Variants in ARHGAP24 observed in about 807,000 individuals in gnomAD.
ARHGAP24 encodes rho GTPase-activating protein 24.
Under a neutral mutation model 76.4 loss-of-function variants are expected in ARHGAP24, and 50 were observed. That is an observed-to-expected ratio of 0.65 (90% confidence interval 0.52 to 0.83). ARHGAP24 has a LOEUF of 0.83. ARHGAP24 is among the 40% of genes least tolerant of loss of function. ARHGAP24 has a pLI of 0.00. For missense variants in ARHGAP24, 930 were observed against 914.2 expected (o/e 1.02, Z -0.22); for synonymous variants, 345 against 323.3 (o/e 1.07, Z -0.72).
At chr4:85,933,008 A>G (rs1244165403) in intron 4 of ARHGAP24, among the ~76,000 whole-genome samples, 2 of 152,180 alleles carry the variant, frequency 1.3e-5, no homozygotes, top group Non-Finnish European at 2.9e-5. Flanking sequence ...CTGGCCTTGA[A>G]AAGAATGAAC....
At chr4:85,506,934 T>G (rs1203005356) in intron 1 of ARHGAP24, among the ~76,000 whole-genome samples, 1 of 151,964 alleles carries the variant, frequency 6.6e-6, no homozygotes, top group African/African-American at 2.4e-5. Context: ...TGTGATAAAG[T>G]AGGTAAAACA....
At chr4:85,961,404 T>C (rs1738240062) in intron 5 of ARHGAP24, among the ~76,000 whole-genome samples, 1 of 152,202 alleles carries the variant, frequency 6.6e-6, no homozygotes, top group East Asian at 1.9e-4. Flanking sequence ...TCTTACACTA[T>C]GAGTTAGAGA....
chr4:85,730,590 G>A (rs1189215774), intron 3 of ARHGAP24, among the ~76,000 whole-genome samples: 1 of 151,698 alleles, frequency 6.6e-6, no homozygotes, highest in Non-Finnish European at 1.5e-5. Context: ...TTTTGTTTTT[G>A]TAGAGATGAG....
rs932914104 is a variant in ARHGAP24 at position 85,603,305 on chromosome 4, G to A, written c.180+32584G>A. The stretch of plus-strand genomic sequence containing the variant: ...GGTTGACCACCTTGAAAATTCACCT[G>A]TAGTGGGACTGTTATTCTTTTTCCT... On this transcript the variant is annotated intron_variant, in intron 2 of 9. Transcript: ENST00000395184. 4.6e-5 allele frequency among the ~76,000 whole-genome samples: 7 copies of A among 152,168 alleles called. No individual in the cohort carries two copies. In the East Asian group the frequency reaches 1.3e-3, roughly 29 times the overall value.
intron 2 of ARHGAP24, among the ~76,000 whole-genome samples, chr4:85,684,616 G>A (rs1367444034): frequency 2.6e-5 from 4 of 152,060 alleles, no homozygotes; most frequent in Non-Finnish European, 5.9e-5. Context: ...AAAATTTTGT[G>A]GATCTGCAGT....
intron 2 of ARHGAP24, among the ~76,000 whole-genome samples, chr4:85,596,333 C>T (rs1023534640): frequency 1.4e-4 from 22 of 152,032 alleles, no homozygotes; most frequent in African/African-American, 5.3e-4. Context: ...GGAGAGTGGG[C>T]AGCCAAAGAG....
intron 1 of ARHGAP24, among the ~76,000 whole-genome samples, chr4:85,564,398 TGG>T (rs1197995424): frequency 2.2e-5 from 2 of 91,506 alleles, no homozygotes; most frequent in African/African-American, 5.5e-5. Flanking sequence ...TGTTGTGGGG[TGG>T]GGGGAGCGGG....
intron 2 of ARHGAP24, among the ~76,000 whole-genome samples, chr4:85,673,599 A>C (rs1303709180): frequency 6.6e-6 from 1 of 150,928 alleles, no homozygotes; most frequent in Admixed American, 6.6e-5. Flanking sequence ...TTAGACCTGG[A>C]GAGCTAGAAA....
intron 1 of ARHGAP24, among the ~76,000 whole-genome samples, chr4:85,498,085 T>C (rs1001330448): frequency 1.3e-5 from 2 of 152,214 alleles, no homozygotes; most frequent in African/African-American, 4.8e-5. Flanking sequence ...CACAAGCTAA[T>C]AGTTTATTTT....
At chr4:85,858,936 T>C (rs1288779973) in intron 3 of ARHGAP24, among the ~76,000 whole-genome samples, 2 of 137,828 alleles carry the variant, frequency 1.5e-5, no homozygotes, top group East Asian at 1.9e-4. Flanking sequence ...TTCAGTAGTA[T>C]GGTACTCAGA....
chr4:85,920,531 G>C (rs1240650854), intron 3 of ARHGAP24, among the ~76,000 whole-genome samples: 1 of 152,024 alleles, frequency 6.6e-6, no homozygotes, highest in Non-Finnish European at 1.5e-5. Context: ...TTGACAAATG[G>C]GATCTAATTA....
In ARHGAP24 at chr4:85,498,379, A is replaced by G. The variant is rs1041144918; in HGVS notation, c.-21+22820A>G. Among the ~76,000 whole-genome samples the G allele has an allele frequency of 7.2e-5, 11 of 152,340 alleles. No homozygotes were observed. The East Asian group carries it at 1.9e-3, about 27-fold the overall frequency. On this transcript the variant is annotated intron_variant, in intron 1 of 9. Transcript: ENST00000395184. ...TAAGCCAACACTAGAGAGAAAGCAG[A>G]CTGAATAGTTGTGTTGCTATCTTCT...
At chr4:85,741,269 T>A (rs906682416) in intron 3 of ARHGAP24, among the ~76,000 whole-genome samples, 3 of 152,100 alleles carry the variant, frequency 2.0e-5, no homozygotes, top group African/African-American at 7.2e-5. Flanking sequence ...ATACTAGAGA[T>A]GGGGCTAGAA....
chr4:85,987,240 G>A (rs1042738707), intron 8 of ARHGAP24, among the ~76,000 whole-genome samples: 1 of 152,028 alleles, frequency 6.6e-6, no homozygotes, highest in Non-Finnish European at 1.5e-5. Flanking sequence ...TGTACTTTCT[G>A]CTCAATTTTT....
At chr4:85,650,631 ATAAT>A (rs1438000837) in intron 2 of ARHGAP24, among the ~76,000 whole-genome samples, 1 of 149,538 alleles carries the variant, frequency 6.7e-6, no homozygotes, top group Non-Finnish European at 1.5e-5. Context: ...GAATAATACA[ATAAT>A]TATTATTAAT....
chr4:85,974,908 G>A lies in ARHGAP24; in HGVS notation c.753G>A (p.Lys251=). 1 of 1,613,868 alleles carries A rather than the reference G, an allele frequency of 6.2e-7. No individual in the cohort carries two copies. ...CTCAGGGTGTTAAGGAATTAGCAAA[G>A]CAGGTGAAGAGTTTGCCAGTGGTAA... ...EEEAGVKELA[K]QVKSLPVVNY... Residue 251 remains lysine, a synonymous_variant, in exon 7 of 10, where the codon AAG becomes AAA. Coordinates refer to ENST00000395184, the MANE Select transcript of ARHGAP24 (RefSeq NM_001025616.3).
At chr4:85,578,829 A>G (rs1403589402) in intron 2 of ARHGAP24, among the ~76,000 whole-genome samples, 1 of 152,176 alleles carries the variant, frequency 6.6e-6, no homozygotes, top group Non-Finnish European at 1.5e-5. Context: ...GATCTATAAT[A>G]TATACTTTAT....
At chr4:85,505,183 C>A (rs1455510258) in intron 1 of ARHGAP24, among the ~76,000 whole-genome samples, 1 of 152,172 alleles carries the variant, frequency 6.6e-6, no homozygotes, top group Non-Finnish European at 1.5e-5. Flanking sequence ...CTTGGTGAAT[C>A]TGACAATTAT....
intron 3 of ARHGAP24, among the ~76,000 whole-genome samples, chr4:85,871,137 T>C (rs1732503083): frequency 1.3e-5 from 2 of 152,130 alleles, no homozygotes; most frequent in African/African-American, 4.8e-5. Context: ...TATTATACAG[T>C]CTTAGGGTTT....
Sources: allele counts gnomAD v4.1 joint callset (sites outside exome capture counted in the v4.1 genomes callset), GRCh38; gene constraint gnomAD v4.1.1; transcripts MANE v1.5; gene names NCBI Gene and HGNC (gene_info 2026-07-23, HGNC 2026-07-21).